The following ONECUT1 variants were observed in gnomAD, a reference collection of about 807,000 sequenced individuals.
ONECUT1 encodes hepatocyte nuclear factor 6.
Under a neutral mutation model 25.6 loss-of-function variants are expected in ONECUT1, and 12 were observed. That is an observed-to-expected ratio of 0.47 (90% CI 0.30 to 0.76). The LOEUF (loss-of-function observed/expected upper bound fraction) is 0.76. Ranked by LOEUF, ONECUT1 falls within the 30% of genes least tolerant of loss-of-function variation. The pLI, the probability that ONECUT1 is intolerant of heterozygous loss-of-function variation, is 0.07. For missense variants in ONECUT1, 620 were observed against 651.2 expected, an observed-to-expected ratio of 0.95 and a Z score of 0.52; for synonymous variants, 285 against 270.2, an observed-to-expected ratio of 1.05 and a Z score of -0.54.
At chr15:52,783,585 C>G (rs2083854799) in intron 1 of ONECUT1, among the ~76,000 whole-genome samples, 1 of 152,208 alleles carries the variant, frequency 6.6e-6, no homozygotes, top group African/African-American at 2.4e-5. Context: ...CAAGAGGAAA[C>G]AAAGACTTCT....
In ONECUT1 at chr15:52,784,496, C is replaced by T. The variant is rs2083861259; in HGVS notation, c.1105+4284G>A. 3.3e-5 allele frequency among the ~76,000 whole-genome samples: 5 copies of T among 152,320 alleles called. No homozygotes were observed. In the South Asian group the frequency reaches 1.0e-3, roughly 32 times the overall value. ...CGCCACACAATAGCCATCAGCCCCCCTTAAGCCCCAGAAGTAGGTTTCCCC... is the reference window on the plus strand; with the variant it reads ...CGCCACACAATAGCCATCAGCCCCCTTTAAGCCCCAGAAGTAGGTTTCCCC... On this transcript the variant is annotated intron_variant, in intron 1 of 1. Transcript: ENST00000305901. This position sits in a 1 kb window ranked among gnomAD's most constrained non-coding sequence, Gnocchi z 5.0.
chr15:52,789,206 C>A lies in ONECUT1; in HGVS notation c.679G>T (p.Gly227Cys). The A allele has an allele frequency of 1.3e-6, 2 of 1,563,440 alleles. No homozygotes were observed. The highest frequency in any genetic ancestry group is 2.3e-5 in the East Asian group (1 of 44,330). ...GTGAGGTGCTGCTCCCCGTGGCGGC[C>A]GAGCATGGCCGGGTGGTGGGCTTCG... The part of the protein sequence containing the change: ...GFEAHHPAML[G>C]RHGEQHLTPT... The change falls in exon 1 of 2, where the codon GGC becomes TGC. Residue 227 changes from glycine to cysteine, a missense_variant. Physicochemically the swap from Gly to Cys is radical, Grantham distance 159. Around this residue, in one of 4 missense-constraint regions of ONECUT1, gnomAD observed 440 missense variants for 404.9 expected, o/e 1.09. Transcript: ENST00000305901. The surrounding 1 kb of genome is among the most constrained non-coding windows in gnomAD (Gnocchi z 4.1).
Position 52,789,931 on chromosome 15 carries a change from G to A in ONECUT1, c.-47C>T. Reference sequence around the variant, plus strand: ...GCGGACACAACATCGATGTGGCCAGGCAGAGGCGGCGAGGGGCGCACGGAG... The same window carrying A: ...GCGGACACAACATCGATGTGGCCAGACAGAGGCGGCGAGGGGCGCACGGAG... On this transcript the variant is annotated 5_prime_UTR_variant, in exon 1 of 2. Transcript: ENST00000305901. The surrounding 1 kb of genome is among the most constrained non-coding windows in gnomAD (Gnocchi z 4.1). The A allele has an allele frequency of 6.8e-7, 1 of 1,477,064 alleles. No homozygotes were observed. Among genetic ancestry groups the A allele is most frequent in the Non-Finnish European group, 8.9e-7 (1 of 1,123,608 alleles). 91.5% of individuals were successfully genotyped at this position (1,477,064 alleles called of 1,614,324 possible).
rs567390202 is a variant in ONECUT1, at chr15:52,766,082, C to A, written c.1106-8235G>T. ...TCTTTTGGTCACACACATGGAAAGC[C>A]TAATAAGAACATGCAGAGAGCAGAC... On this transcript the variant is annotated intron_variant, in intron 1 of 1. Transcript: ENST00000305901. 4.6e-5 allele frequency among the ~76,000 whole-genome samples: 7 copies of A among 152,280 alleles called. No homozygotes were observed. In the South Asian group the frequency reaches 1.5e-3, roughly 32 times the overall value.
chr15:52,774,236 G>T (rs2083785571), intron 1 of ONECUT1, among the ~76,000 whole-genome samples: 1 of 151,690 alleles, frequency 6.6e-6, no homozygotes, highest in Non-Finnish European at 1.5e-5. Context: ...TTACCCTGCA[G>T]CTCCAGCTCA....
intron 1 of ONECUT1, among the ~76,000 whole-genome samples, chr15:52,761,637 C>T (rs1425141031): frequency 6.6e-6 from 1 of 152,168 alleles, no homozygotes; most frequent in Non-Finnish European, 1.5e-5. Context: ...CAACACTATA[C>T]CACAGCCTGG....
intron 1 of ONECUT1, among the ~76,000 whole-genome samples, chr15:52,773,150 T>C (rs988501968): frequency 2.0e-4 from 30 of 152,132 alleles, no homozygotes; most frequent in African/African-American, 5.8e-4. Flanking sequence ...GTTTATTTTA[T>C]GGGTATGGGC....
intron 1 of ONECUT1, among the ~76,000 whole-genome samples, chr15:52,786,855 G>C (rs1297698972): frequency 6.6e-6 from 1 of 152,154 alleles, no homozygotes; most frequent in East Asian, 1.9e-4. Flanking sequence ...GGTGGGGGAT[G>C]GGGACCGAGT....
intron 1 of ONECUT1, among the ~76,000 whole-genome samples, chr15:52,772,938 G>C (rs979612692): frequency 6.6e-6 from 1 of 152,148 alleles, no homozygotes; most frequent in Non-Finnish European, 1.5e-5. Context: ...ATATTTTGGC[G>C]TGTGCTTATC....
intron 1 of ONECUT1, 123 bp from the exon 2 acceptor site, chr15:52,757,970 C>G (rs1400486950): frequency 3.0e-6 from 3 of 1,006,990 alleles, no homozygotes; most frequent in Non-Finnish European, 4.4e-6. Context: ...CTGACCTCTG[C>G]TTTAAGCACC....
intron 1 of ONECUT1, among the ~76,000 whole-genome samples, chr15:52,773,057 G>A (rs2141454558): frequency 6.6e-6 from 1 of 152,320 alleles, no homozygotes; most frequent in Middle Eastern, 3.4e-3. Flanking sequence ...GCTCCCAAGT[G>A]ATGCTGGGGC....
chr15:52,790,225 CTCTT>C lies in ONECUT1; in HGVS notation c.-345_-342del, dbSNP rs1459171300. On this transcript the variant is annotated 5_prime_UTR_variant, in exon 1 of 2. Transcript: ENST00000305901. The stretch of plus-strand genomic sequence containing the variant: ...CCCGCCTCGGCCACCTCTCGCCCCT[CTCTT>C]TCTTAAAATTCTGAGGTCTCCGGCT... Among the ~76,000 whole-genome samples the C allele has an allele frequency of 6.6e-6, 1 of 151,554 alleles. No homozygotes were observed. The highest frequency in any genetic ancestry group is 2.4e-5 in the African/African-American group (1 of 41,350).
At position 52,772,629 on chromosome 15, in the gene ONECUT1, G is replaced by A. The variant is rs538832974; in HGVS notation, c.1106-14782C>T. Among the ~76,000 whole-genome samples, 122 of 152,280 alleles carry A rather than the reference G, an allele frequency of 8.0e-4. 2 individuals are homozygous for A. The highest frequency in any genetic ancestry group is 2.9e-3 in the African/African-American group (120 of 41,560). ...AGGGAGGGAGCTGTGGGACTGAAGG[G>A]CATCCCTGTGGGCAAGTAAGTGTAT... On this transcript the variant is annotated intron_variant, in intron 1 of 1. Coordinates refer to ENST00000305901, the MANE Select transcript of ONECUT1 (RefSeq NM_004498.4).
intron 1 of ONECUT1, among the ~76,000 whole-genome samples, chr15:52,773,594 C>CTGT (rs1555415808): frequency 6.6e-6 from 1 of 152,118 alleles, no homozygotes; most frequent in Non-Finnish European, 1.5e-5. Context: ...GTCTTGGACT[C>CTGT]TAACATGTTT....
At chr15:52,769,142 C>T (rs553201590) in intron 1 of ONECUT1, among the ~76,000 whole-genome samples, 1 of 152,218 alleles carries the variant, frequency 6.6e-6, no homozygotes, top group African/African-American at 2.4e-5. Flanking sequence ...CCTCAAGCAT[C>T]TTCTTTTCTG....
rs753510046 is a variant in ONECUT1 at position 52,757,607 on chromosome 15, C to A, written c.1346G>T (p.Ser449Ile). The change falls in exon 2 of 2, where the codon AGC becomes ATC. Residue 449 changes from serine (S) to isoleucine (I), a missense_variant. Physicochemically the swap from Ser to Ile is moderately radical, Grantham distance 142. Transcript: ENST00000305901. ...AGAAGATGAGTTGCCTGAATTGGAGCTGCCCTCGTCCTGCCACTTGTCCAG... is the reference window on the plus strand; with the variant it reads ...AGAAGATGAGTTGCCTGAATTGGAGATGCCCTCGTCCTGCCACTTGTCCAG... ...RSLDKWQDEG[S>I]SNSGNSSSSS... is the part of the protein sequence containing the mutation. 3.1e-6 allele frequency: 5 copies of A among 1,614,120 alleles called. No homozygotes were observed. The East Asian group carries it at 6.7e-5, about 22-fold the overall frequency.
intron 1 of ONECUT1, among the ~76,000 whole-genome samples, chr15:52,774,656 C>G (rs769249420): frequency 2.6e-5 from 4 of 152,082 alleles, no homozygotes; most frequent in Non-Finnish European, 5.9e-5. Flanking sequence ...AAATAAGATA[C>G]AAGGTGCTTG....
At chr15:52,761,755 C>T (rs140469920) in intron 1 of ONECUT1, among the ~76,000 whole-genome samples, 2 of 152,260 alleles carry the variant, frequency 1.3e-5, no homozygotes, top group Non-Finnish European at 2.9e-5. Flanking sequence ...GCGGTCAAAT[C>T]AAGAAGACTT....
At chr15:52,785,729 G>C (rs2083870510) in intron 1 of ONECUT1, 1 of 152,292 alleles carries the variant, frequency 6.6e-6, no homozygotes, top group South Asian at 2.1e-4. Context: ...GAACCCTGTC[G>C]CTCTGCTCTT....
Sources: allele counts gnomAD v4.1 joint callset (sites outside exome capture counted in the v4.1 genomes callset), GRCh38; gene constraint gnomAD v4.1.1; regional missense constraint gnomAD v4.1.1; non-coding constraint Gnocchi (gnomAD v3.1); transcripts MANE v1.5; gene names NCBI Gene and HGNC (gene_info 2026-07-23, HGNC 2026-07-21).